RBFOX1: variants seen among roughly 807,000 people sequenced by gnomAD.
RBFOX1 encodes RNA binding fox-1 homolog 1.
A neutral mutation model predicts 57.7 loss-of-function variants in RBFOX1; 8 were observed. The observed-to-expected ratio is 0.14, with a 90% CI of 0.08 to 0.25. The LOEUF is 0.25. Among genes scored for constraint, RBFOX1 ranks in the 10% least tolerant of loss-of-function variants. RBFOX1 has a pLI of 1.00. For missense variants in RBFOX1, 611 were observed against 548.5 expected (o/e 1.11, Z -1.14); for synonymous variants, 326 against 222.4 (o/e 1.47, Z -4.15).
chr16:6,231,271 C>T (rs1042364389), intron 1 of RBFOX1, among the ~76,000 whole-genome samples: 4 of 149,294 alleles, frequency 2.7e-5, no homozygotes, highest in Non-Finnish European at 1.5e-5. Context: ...CCTTATAAGC[C>T]AACAGGTACC....
chr16:7,255,397 C>T (rs1326029398), intron 4 of RBFOX1, among the ~76,000 whole-genome samples: 1 of 152,120 alleles, frequency 6.6e-6, no homozygotes, highest in Non-Finnish European at 1.5e-5. Context: ...TAAGTATCCA[C>T]TGATAGGGGA....
At chr16:6,359,545 G>C (rs2088026001) in intron 2 of RBFOX1, among the ~76,000 whole-genome samples, 1 of 152,142 alleles carries the variant, frequency 6.6e-6, no homozygotes, top group African/African-American at 2.4e-5. Flanking sequence ...TAATTCTTTT[G>C]GTAGCCACAT....
chr16:7,413,901 T>C (rs148603688), intron 4 of RBFOX1, among the ~76,000 whole-genome samples: 1 of 152,220 alleles, frequency 6.6e-6, no homozygotes, highest in East Asian at 1.9e-4. Context: ...TGGATTTGCA[T>C]TCGTTAAGTG....
At chr16:6,000,211 C>G (rs2060572683) in intron 4 of RBFOX1, among the ~76,000 whole-genome samples, 1 of 152,130 alleles carries the variant, frequency 6.6e-6, no homozygotes, top group South Asian at 2.1e-4. Context: ...TGGACAAGAT[C>G]CCATGCCCCC....
rs192422445 is a variant in RBFOX1, at chr16:7,157,058, C to G, written c.27+104960C>G. On this transcript the variant is annotated intron_variant, in intron 4 of 15. Coordinates refer to ENST00000550418, the MANE Select transcript of RBFOX1 (RefSeq NM_018723.4). ...TACAAGGAGCTCTCCTGTTTTTCCC[C>G]TATTATACTTGATTATGCTACTAAA... 1.6e-3 allele frequency among the ~76,000 whole-genome samples: 246 copies of G among 152,304 alleles called. 1 individual carries two copies. Among genetic ancestry groups the G allele is most frequent in the African/African-American group, 5.7e-3 (235 of 41,572 alleles).
chr16:7,594,092 A>G (rs886670920), intron 7 of RBFOX1, among the ~76,000 whole-genome samples: 4 of 152,002 alleles, frequency 2.6e-5, no homozygotes, highest in Admixed American at 1.3e-4. Context: ...AGTCATTTAC[A>G]TTAGGTATTT....
chr16:7,688,105 T>A (rs1427914552), intron 14 of RBFOX1, among the ~76,000 whole-genome samples: 1 of 151,948 alleles, frequency 6.6e-6, no homozygotes, highest in Admixed American at 6.6e-5. Flanking sequence ...TACGTACAGG[T>A]AGAATTGGAT....
chr16:6,966,023 G>A (rs991762638), intron 3 of RBFOX1, among the ~76,000 whole-genome samples: 17 of 152,242 alleles, frequency 1.1e-4, no homozygotes, highest in East Asian at 3.9e-4. Context: ...ATAGAAAATC[G>A]GAGATACGTT....
chr16:6,953,395 GT>G (rs199737599), intron 3 of RBFOX1, among the ~76,000 whole-genome samples: 1 of 150,676 alleles, frequency 6.6e-6, no homozygotes, highest in Non-Finnish European at 1.5e-5. Flanking sequence ...TGTTGTTATT[GT>G]TTTTTTTTGA....
Position 7,105,783 on chromosome 16 carries a change from T to TAGAGAG in RBFOX1, c.27+53686_27+53687insGAGAGA, listed in dbSNP as rs1157849490. 9.6e-5 allele frequency among the ~76,000 whole-genome samples: 9 copies of TAGAGAG among 93,742 alleles called. No individual in the cohort carries two copies. The East Asian group carries it at 2.4e-3, about 25-fold the overall frequency. The allele number at this position is 93,742 out of a possible 152,430, so 61.5% of individuals were successfully genotyped here. A position where few individuals can be genotyped will look rare whatever the true frequency, so the allele number is the denominator to read the frequency against. On this transcript the variant is annotated intron_variant, in intron 4 of 15. Coordinates refer to ENST00000550418, the MANE Select transcript of RBFOX1 (RefSeq NM_018723.4). Reference sequence around the variant, plus strand: ...ATATCTATATATCTATGTAGATGTATATAGAGATAGATAGATAGAGATATC... The same window carrying TAGAGAG: ...ATATCTATATATCTATGTAGATGTATAGAGAGATAGAGATAGATAGATAGAGATATC...
chr16:7,330,737 C>G (rs2096678783), intron 4 of RBFOX1, among the ~76,000 whole-genome samples: 1 of 151,830 alleles, frequency 6.6e-6, no homozygotes, highest in Non-Finnish European at 1.5e-5. Context: ...CTCCTGCCTT[C>G]TGGTCCAGTG....
At chr16:6,431,928 T>G (rs573594388) in intron 2 of RBFOX1, among the ~76,000 whole-genome samples, 148 of 145,000 alleles carry the variant, frequency 1.0e-3, no homozygotes, top group Middle Eastern at 3.5e-3. Context: ...TTTCTTTCTT[T>G]CTTTCTTTCT....
chr16:5,510,097 T>A (rs575499963), intron 2 of RBFOX1, among the ~76,000 whole-genome samples: 4 of 152,374 alleles, frequency 2.6e-5, no homozygotes, highest in African/African-American at 9.6e-5. Context: ...ACAGGGCTTG[T>A]CTCAGAATGG....
intron 3 of RBFOX1, among the ~76,000 whole-genome samples, chr16:5,667,955 A>C (rs1365021228): frequency 6.6e-6 from 1 of 152,186 alleles, no homozygotes; most frequent in African/African-American, 2.4e-5. Flanking sequence ...AGGGGATGGC[A>C]GCAGTTGCCC....
intron 4 of RBFOX1, among the ~76,000 whole-genome samples, chr16:7,447,866 A>G (rs897873236): frequency 3.9e-5 from 6 of 152,256 alleles, no homozygotes; most frequent in South Asian, 2.1e-4. Flanking sequence ...TGTGTGTTCT[A>G]TGAATTAGCT....
chr16:6,593,518 A>G (rs184062531), intron 2 of RBFOX1, among the ~76,000 whole-genome samples: 19 of 152,254 alleles, frequency 1.2e-4, no homozygotes, highest in Admixed American at 2.0e-4. Flanking sequence ...CAGGCTGACA[A>G]TGGGATCCAT....
rs115330943 is a variant in RBFOX1 at position 6,078,473 on chromosome 16, C to A, written c.-127+58481C>A. 4.3e-3 allele frequency among the ~76,000 whole-genome samples: 649 copies of A among 152,162 alleles called. 6 individuals are homozygous for A. The highest frequency in any genetic ancestry group is 0.015 in the African/African-American group (604 of 41,502). Reference sequence around the variant, plus strand: ...TGTATTTTATGTATGACCTGAGACACTTCTTCTTCCGCCGTGGCTCAGGGA... The same window carrying A: ...TGTATTTTATGTATGACCTGAGACAATTCTTCTTCCGCCGTGGCTCAGGGA... On this transcript the variant is annotated intron_variant, in intron 1 of 15. Coordinates refer to ENST00000550418, the MANE Select transcript of RBFOX1 (RefSeq NM_018723.4).
Position 7,537,623 on chromosome 16 carries a change from A to C in RBFOX1, c.270+19234A>C, listed in dbSNP as rs533358241. Among the ~76,000 whole-genome samples the C allele has an allele frequency of 5.9e-5, 9 of 152,310 alleles. No homozygotes were observed. The East Asian group carries it at 1.2e-3, about 20-fold the overall frequency. ...ATCGTAAAAAGATCTACCTGGTTCT[A>C]TGAGATGCATCCATCCTGACCTTGC... On this transcript the variant is annotated intron_variant, in intron 5 of 15. Coordinates refer to ENST00000550418, the MANE Select transcript of RBFOX1 (RefSeq NM_018723.4).
At chr16:5,989,650 A>G (rs2060352370) in intron 4 of RBFOX1, among the ~76,000 whole-genome samples, 1 of 151,864 alleles carries the variant, frequency 6.6e-6, no homozygotes, top group African/African-American at 2.4e-5. Flanking sequence ...ACCTCCAATC[A>G]ATAAAGGGCG....
Sources: gnomAD v4.1 joint callset for allele counts (sites outside exome capture counted in the v4.1 genomes callset) on GRCh38, gnomAD v4.1.1 for gene constraint, MANE v1.5 for transcripts, NCBI Gene and HGNC (gene_info 2026-07-23, HGNC 2026-07-21) for gene names.